Variants in FBXL2 observed in about 807,000 individuals in gnomAD.
FBXL2 encodes the protein F-box/LRR-repeat protein 2.
A neutral mutation model predicts 69.2 loss-of-function variants in FBXL2; 38 were observed. The observed-to-expected ratio is 0.55, with a 90% confidence interval of 0.42 to 0.72. The LOEUF (loss-of-function observed/expected upper bound fraction) is 0.72. Ranked by LOEUF, FBXL2 falls within the 30% of genes least tolerant of loss-of-function variation. The pLI is 0.00. For synonymous variants in FBXL2, 192 were observed against 201.3 expected (o/e 0.95, Z 0.39); for missense variants, 354 against 520.3 (o/e 0.68, Z 3.11).
intron 2 of FBXL2, among the ~76,000 whole-genome samples, chr3:33,315,210 T>C (rs891464326): frequency 6.6e-6 from 1 of 151,908 alleles, no homozygotes; most frequent in East Asian, 1.9e-4. Flanking sequence ...TTCTTTTTCT[T>C]TCTCCTTTCC....
chr3:33,404,209 G>A (rs1170453043), downstream of FBXL2, among the ~76,000 whole-genome samples: 1 of 152,138 alleles, frequency 6.6e-6, no homozygotes, highest in Admixed American at 6.5e-5. Context: ...TCAGGAGATT[G>A]AGACCATCCT....
At chr3:33,312,778 G>A (rs2037326523) in intron 2 of FBXL2, among the ~76,000 whole-genome samples, 1 of 151,954 alleles carries the variant, frequency 6.6e-6, no homozygotes, top group African/African-American at 2.4e-5. Flanking sequence ...AGGAAAAAGA[G>A]ACAACATTTA....
intron 2 of FBXL2, among the ~76,000 whole-genome samples, chr3:33,314,324 T>C (rs1453372707): frequency 6.6e-6 from 1 of 152,136 alleles, no homozygotes; most frequent in African/African-American, 2.4e-5. Flanking sequence ...TCTCCCCATT[T>C]CCCCTGCTTT....
At chr3:33,394,726 TG>T (rs1382682462) in intron 12 of FBXL2, among the ~76,000 whole-genome samples, 1 of 151,644 alleles carries the variant, frequency 6.6e-6, no homozygotes, top group Non-Finnish European at 1.5e-5. Context: ...TAAAAGAAGC[TG>T]GAACTAAAAT....
At chr3:33,398,884 ATTTCTAG>A (rs2154055654) in intron 12 of FBXL2, among the ~76,000 whole-genome samples, 2 of 152,278 alleles carry the variant, frequency 1.3e-5, no homozygotes, top group South Asian at 4.1e-4. Context: ...AAATTTTACA[ATTTCTAG>A]TTTTTCACAC....
intron 2 of FBXL2, among the ~76,000 whole-genome samples, chr3:33,314,676 T>C (rs1165433258): frequency 1.3e-5 from 2 of 152,242 alleles, no homozygotes; most frequent in South Asian, 4.1e-4. Context: ...TATGGTTCAC[T>C]AAGTTATGCA....
At chr3:33,368,417 T>C (rs1205570012) in intron 5 of FBXL2, among the ~76,000 whole-genome samples, 1 of 152,222 alleles carries the variant, frequency 6.6e-6, no homozygotes, top group African/African-American at 2.4e-5. Context: ...CTATGTCTTT[T>C]TCATTGATTG....
At chr3:33,397,383 A>C (rs958117107) in intron 12 of FBXL2, 1 of 331,780 alleles carries the variant, frequency 3.0e-6, no homozygotes, top group African/African-American at 2.1e-5. Flanking sequence ...CAAATCAATG[A>C]GAGCAGGGCC....
At chr3:33,283,147 C>T (rs1163156594) in intron 1 of FBXL2, among the ~76,000 whole-genome samples, 2 of 152,104 alleles carry the variant, frequency 1.3e-5, no homozygotes, top group East Asian at 3.8e-4. Flanking sequence ...GGAATGCTTC[C>T]AGTTTTTGCC....
In FBXL2 at chr3:33,387,261, A is replaced by G. The variant is rs1226023798; in HGVS notation, c.*1653A>G. Reference sequence around the variant, plus strand: ...AGCAACTTCAATAAATGAGCATATAACAGACTTGCTTCAGTGATTATGAAT... The same window carrying G: ...AGCAACTTCAATAAATGAGCATATAGCAGACTTGCTTCAGTGATTATGAAT... On this transcript the variant is annotated 3_prime_UTR_variant, in exon 15 of 15. Transcript: ENST00000484457. 2 of 152,168 alleles carry G rather than the reference A, an allele frequency of 1.3e-5. No individual in the cohort carries two copies. The highest frequency in any genetic ancestry group is 2.9e-5 in the Non-Finnish European group (2 of 68,028). The allele number at this position is 152,168 out of a possible 1,614,324, so 9.4% of individuals were successfully genotyped here. A position where few individuals can be genotyped will look rare whatever the true frequency, so the allele number is the denominator to read the frequency against.
chr3:33,325,186 T>G (rs2038589836), intron 2 of FBXL2, among the ~76,000 whole-genome samples: 1 of 152,174 alleles, frequency 6.6e-6, no homozygotes, highest in Non-Finnish European at 1.5e-5. Flanking sequence ...TTAAGGAGAT[T>G]TTGGGCTGAG....
chr3:33,294,788 A>G (rs2035585005), intron 1 of FBXL2, among the ~76,000 whole-genome samples: 1 of 151,162 alleles, frequency 6.6e-6, no homozygotes, highest in Admixed American at 6.6e-5. Flanking sequence ...GACTGCATTG[A>G]GCTGTGATCA....
intron 2 of FBXL2, among the ~76,000 whole-genome samples, chr3:33,322,156 C>T (rs1453980889): frequency 1.4e-5 from 2 of 139,200 alleles, no homozygotes; most frequent in Admixed American, 1.6e-4. Context: ...TGGCTCACTG[C>T]AAGCTCTGCC....
intron 1 of FBXL2, among the ~76,000 whole-genome samples, chr3:33,279,210 G>T (rs2033677434): frequency 6.6e-6 from 1 of 152,018 alleles, no homozygotes; most frequent in Non-Finnish European, 1.5e-5. Flanking sequence ...AGTGGGGAAT[G>T]GTTGGTACAG....
chr3:33,331,256 C>A (rs1290483805), intron 2 of FBXL2, among the ~76,000 whole-genome samples: 1 of 139,062 alleles, frequency 7.2e-6, no homozygotes, highest in Non-Finnish European at 1.5e-5. Flanking sequence ...TGGTTACAAT[C>A]AAGTAAAACA....
At position 33,358,961 on chromosome 3, in the gene FBXL2, C is replaced by G; in HGVS notation, c.66-6C>G. 2.0e-6 allele frequency: 3 copies of G among 1,527,610 alleles called. No homozygotes were observed. In the South Asian group the frequency reaches 4.0e-5, roughly 20 times the overall value. The allele number at this position is 1,527,610 out of a possible 1,614,324, so 94.6% of individuals were successfully genotyped here. A position where few individuals can be genotyped will look rare whatever the true frequency, so the allele number is the denominator to read the frequency against. ...TCGTTTTTGTGTTTTTTTCCTCTCT[C>G]TGTAGAATATTTTCCTTCTTGGATA... On this transcript the variant is annotated splice_region_variant and splice_polypyrimidine_tract_variant and intron_variant, in intron 2 of 14. Transcript: ENST00000484457.
chr3:33,400,830 C>T (rs770798529), intron 12 of FBXL2: 92 of 847,056 alleles, frequency 1.1e-4, no homozygotes, highest in Non-Finnish European at 1.7e-4. Context: ...CCAAAATATC[C>T]TGACTCGATT....
At chr3:33,359,659 T>C (rs1050842577) in intron 4 of FBXL2, among the ~76,000 whole-genome samples, 1 of 152,066 alleles carries the variant, frequency 6.6e-6, no homozygotes, top group Non-Finnish European at 1.5e-5. Flanking sequence ...CTTAGGAGAC[T>C]TGACAAATAC....
At chr3:33,397,590 T>G (rs1167382255) in intron 12 of FBXL2, 1 of 152,124 alleles carries the variant, frequency 6.6e-6, no homozygotes, top group East Asian at 1.9e-4. Flanking sequence ...TCTGTAAGAG[T>G]TGGTAGCCGA....
Sources: allele counts gnomAD v4.1 joint callset (sites outside exome capture counted in the v4.1 genomes callset), GRCh38; gene constraint gnomAD v4.1.1; transcripts MANE v1.5; gene names NCBI Gene and HGNC (gene_info 2026-07-23, HGNC 2026-07-21).